CNGB3: variants seen among roughly 807,000 people sequenced by gnomAD.
CNGB3 encodes the protein cyclic nucleotide gated channel subunit beta 3.
Under a neutral mutation model 92.8 loss-of-function variants are expected in CNGB3, and 86 were observed. The observed-to-expected ratio is 0.93, with a 90% confidence interval of 0.78 to 1.11. The LOEUF (loss-of-function observed/expected upper bound fraction) is 1.11. Among genes scored for constraint, CNGB3 ranks in the 50% least tolerant of loss-of-function variants. The probability of loss-of-function intolerance (pLI) is 0.00; values close to 1 mark genes in which losing one functional copy is unlikely to be tolerated. For synonymous variants in CNGB3, 333 were observed against 332.7 expected (o/e 1.00, Z -0.01); for missense variants, 1,026 against 956.8 (o/e 1.07, Z -0.95).
intron 11 of CNGB3, among the ~76,000 whole-genome samples, chr8:86,629,434 CT>C (rs1327279881): frequency 6.6e-6 from 1 of 152,174 alleles, no homozygotes; most frequent in Non-Finnish European, 1.5e-5. Context: ...TTGTATTTTA[CT>C]GCAGAAATGT....
intron 2 of CNGB3, among the ~76,000 whole-genome samples, chr8:86,733,142 G>A (rs2131677759): frequency 6.6e-6 from 1 of 151,596 alleles, no homozygotes; most frequent in South Asian, 2.1e-4. Flanking sequence ...CCATCTTTAT[G>A]TCCATGAGTA....
chr8:86,667,879 G>T (rs997552246), intron 5 of CNGB3, 140 bp downstream of exon 5: 3 of 940,264 alleles, frequency 3.2e-6, no homozygotes, highest in South Asian at 1.3e-5. Context: ...TCCTTTGCAG[G>T]TTATTTAATT....
At chr8:86,655,533 C>G (rs1040981202) in intron 6 of CNGB3, among the ~76,000 whole-genome samples, 2 of 152,154 alleles carry the variant, frequency 1.3e-5, no homozygotes, top group African/African-American at 4.8e-5. Context: ...GCAGGTAACT[C>G]CAACTCATCC....
intron 3 of CNGB3, among the ~76,000 whole-genome samples, chr8:86,703,580 C>G (rs1354007748): frequency 6.6e-6 from 1 of 152,154 alleles, no homozygotes; most frequent in East Asian, 1.9e-4. Flanking sequence ...TTAAACGACA[C>G]TGTTCAAAGG....
At chr8:86,711,878 A>G (rs1824758535) in intron 3 of CNGB3, among the ~76,000 whole-genome samples, 2 of 150,264 alleles carry the variant, frequency 1.3e-5, no homozygotes, top group African/African-American at 4.9e-5. Flanking sequence ...GTATATAAAT[A>G]TTATGTATAA....
intron 15 of CNGB3, among the ~76,000 whole-genome samples, chr8:86,600,319 A>G (rs554786408): frequency 6.6e-6 from 1 of 152,242 alleles, no homozygotes; most frequent in South Asian, 2.1e-4. Flanking sequence ...GAGGACAGTG[A>G]TTGTTTCTTG....
At chr8:86,660,188 C>T in intron 6 of CNGB3, 1 of 290,222 alleles carries the variant, frequency 3.4e-6, no homozygotes, top group East Asian at 9.3e-5. Context: ...TCATTTTCTC[C>T]TTTTTTGCTC....
At chr8:86,718,541 A>G (rs1175596909) in intron 3 of CNGB3, among the ~76,000 whole-genome samples, 3 of 152,148 alleles carry the variant, frequency 2.0e-5, no homozygotes, top group African/African-American at 7.2e-5. Flanking sequence ...TTGCCAAGAA[A>G]AAAAAGTCCA....
chr8:86,614,253 A>G (rs1464598409), intron 13 of CNGB3, among the ~76,000 whole-genome samples: 1 of 152,050 alleles, frequency 6.6e-6, no homozygotes, highest in East Asian at 1.9e-4. Context: ...GTACAGCTGG[A>G]TGCAATTGAC....
intron 15 of CNGB3, among the ~76,000 whole-genome samples, chr8:86,583,921 C>CAAAAAA (rs71574285): frequency 8.2e-5 from 5 of 61,198 alleles, no homozygotes; most frequent in East Asian, 6.5e-4. Flanking sequence ...GACCTTGTCT[C>CAAAAAA]AAAAAAAAAA....
intron 10 of CNGB3, among the ~76,000 whole-genome samples, chr8:86,641,414 A>G (rs557889307): frequency 6.6e-6 from 1 of 151,924 alleles, no homozygotes; most frequent in East Asian, 1.9e-4. Flanking sequence ...TATTCCATGG[A>G]CTTGCCCCAA....
At chr8:86,586,490 C>G in intron 15 of CNGB3, among the ~76,000 whole-genome samples, 1 of 127,132 alleles carries the variant, frequency 7.9e-6, no homozygotes, top group South Asian at 3.3e-4. Context: ...TCCCCCCTCC[C>G]CCCACCACAC....
At chr8:86,586,189 T>C (rs1325303082) in intron 15 of CNGB3, among the ~76,000 whole-genome samples, 1 of 152,138 alleles carries the variant, frequency 6.6e-6, no homozygotes, top group Non-Finnish European at 1.5e-5. Flanking sequence ...TCTGCCAACT[T>C]CTGGGGCTAT....
chr8:86,657,996 C>CA, intron 6 of CNGB3: 2 of 546,420 alleles, frequency 3.7e-6, no homozygotes, highest in South Asian at 3.0e-5. Flanking sequence ...AGCGACGTTC[C>CA]AGTTTTTCCA....
intron 3 of CNGB3, among the ~76,000 whole-genome samples, chr8:86,724,627 T>G (rs1445063508): frequency 6.6e-6 from 1 of 152,044 alleles, no homozygotes; most frequent in Non-Finnish European, 1.5e-5. Flanking sequence ...AGGCAGATAA[T>G]CATATAAAAT....
chr8:86,724,454 A>T (rs1280077055), intron 3 of CNGB3, among the ~76,000 whole-genome samples: 2 of 152,152 alleles, frequency 1.3e-5, no homozygotes, highest in Non-Finnish European at 2.9e-5. Context: ...AAGCAAATCC[A>T]ATATGTTTGG....
intron 3 of CNGB3, among the ~76,000 whole-genome samples, chr8:86,716,033 A>T (rs1304921809): frequency 6.6e-6 from 1 of 152,130 alleles, no homozygotes; most frequent in African/African-American, 2.4e-5. Context: ...CATAAATTTT[A>T]AAAAATCACA....
intron 10 of CNGB3, among the ~76,000 whole-genome samples, chr8:86,642,005 A>G (rs1046340854): frequency 1.3e-5 from 2 of 151,740 alleles, no homozygotes; most frequent in African/African-American, 4.8e-5. Context: ...TCTTGTTACA[A>G]TGCAGATTTG....
intron 7 of CNGB3, among the ~76,000 whole-genome samples, chr8:86,649,080 C>T (rs1823347988): frequency 6.6e-6 from 1 of 151,096 alleles, no homozygotes; most frequent in Non-Finnish European, 1.5e-5. Context: ...AAAACAACAA[C>T]AATAACAAAT....
Sources: gnomAD v4.1 joint callset for allele counts (sites outside exome capture counted in the v4.1 genomes callset) on GRCh38, gnomAD v4.1.1 for gene constraint, MANE v1.5 for transcripts, NCBI Gene and HGNC (gene_info 2026-07-23, HGNC 2026-07-21) for gene names.